MDGA2: variants seen among roughly 807,000 people sequenced by gnomAD.
MDGA2 encodes MAM domain containing glycosylphosphatidylinositol anchor 2.
Under a neutral mutation model 117.8 loss-of-function variants are expected in MDGA2, and 40 were observed. That is an observed-to-expected ratio of 0.34 (90% CI 0.26 to 0.44). The LOEUF (loss-of-function observed/expected upper bound fraction) is 0.44, where lower values mean the gene tolerates loss of function less well. MDGA2 is among the 20% of genes least tolerant of loss of function. MDGA2 has a pLI of 1.00. For missense variants in MDGA2, 1,123 were observed against 1,250.6 expected (o/e 0.90, Z 1.54); for synonymous variants, 452 against 439.0 (o/e 1.03, Z -0.37).
intron 7 of MDGA2, among the ~76,000 whole-genome samples, chr14:47,055,583 A>G (rs1266982740): frequency 1.3e-5 from 2 of 152,182 alleles, no homozygotes; most frequent in African/African-American, 4.8e-5. Context: ...GTTTGTATAG[A>G]CAAGTAACGG....
At chr14:47,576,168 T>C (rs1258822024) in intron 1 of MDGA2, among the ~76,000 whole-genome samples, 1 of 152,202 alleles carries the variant, frequency 6.6e-6, no homozygotes, top group African/African-American at 2.4e-5. Context: ...ATTTCTATTT[T>C]CCCATTTCAT....
chr14:47,133,107 T>TAA (rs555657080), intron 4 of MDGA2, among the ~76,000 whole-genome samples: 4 of 135,774 alleles, frequency 2.9e-5, no homozygotes, highest in South Asian at 4.6e-4. Context: ...TCCTCAGTGG[T>TAA]AAAAAAAAAA....
At chr14:47,478,587 G>C (rs1334251974) in intron 1 of MDGA2, among the ~76,000 whole-genome samples, 1 of 151,940 alleles carries the variant, frequency 6.6e-6, no homozygotes, top group African/African-American at 2.4e-5. Context: ...TGTTGCCCAG[G>C]CTGGTCTCAA....
chr14:47,354,867 A>G (rs915518039), intron 1 of MDGA2, among the ~76,000 whole-genome samples: 4 of 151,954 alleles, frequency 2.6e-5, no homozygotes, highest in African/African-American at 9.7e-5. Flanking sequence ...TTTTTTCCAA[A>G]AAGATGGGTT....
intron 10 of MDGA2, among the ~76,000 whole-genome samples, chr14:46,912,357 C>T (rs1464910282): frequency 6.6e-6 from 1 of 152,094 alleles, no homozygotes; most frequent in African/African-American, 2.4e-5. Flanking sequence ...TCTATTACTA[C>T]TGTCTTCAGA....
intron 8 of MDGA2, among the ~76,000 whole-genome samples, chr14:47,000,121 A>G (rs1048382972): frequency 7.3e-5 from 11 of 151,468 alleles, no homozygotes; most frequent in Non-Finnish European, 1.3e-4. Context: ...CTAAAAAGTT[A>G]CATGAATATT....
At position 46,855,686 on chromosome 14, in the gene MDGA2, G is replaced by A. The variant is rs549557232; in HGVS notation, c.2753-532C>T. Among the ~76,000 whole-genome samples the A allele has an allele frequency of 6.6e-6, 1 of 152,040 alleles. No homozygotes were observed. The highest frequency in any genetic ancestry group is 1.5e-5 in the Non-Finnish European group (1 of 67,984). On this transcript the variant is annotated intron_variant, in intron 14 of 16. Transcript: ENST00000399232. This position sits in a 1 kb window ranked among gnomAD's most constrained non-coding sequence, Gnocchi z 4.1. ...CCCAGAATGCTTTTTTTAAATTTCT[G>A]TTCTCCAGAATGATAAGCTAATAAA...
intron 2 of MDGA2, among the ~76,000 whole-genome samples, chr14:47,290,328 A>G (rs1398533302): frequency 2.0e-5 from 3 of 152,124 alleles, no homozygotes; most frequent in African/African-American, 7.2e-5. Context: ...TGAGATTAAA[A>G]TAAAAAGGAG....
At chr14:47,462,712 A>C (rs1165866860) in intron 1 of MDGA2, among the ~76,000 whole-genome samples, 20 of 152,244 alleles carry the variant, frequency 1.3e-4, no homozygotes, top group Non-Finnish European at 1.0e-4. Context: ...GGAAACACTG[A>C]CGTCATGCGA....
chr14:47,136,925 C>T (rs1395725887), intron 4 of MDGA2, among the ~76,000 whole-genome samples: 2 of 152,156 alleles, frequency 1.3e-5, no homozygotes, highest in Non-Finnish European at 2.9e-5. Context: ...CAGAGCTGAA[C>T]AGTCAATTAT....
At chr14:46,990,930 G>C (rs1253827405) in intron 8 of MDGA2, among the ~76,000 whole-genome samples, 1 of 150,322 alleles carries the variant, frequency 6.7e-6, no homozygotes, top group Non-Finnish European at 1.5e-5. Flanking sequence ...AGAAAATACA[G>C]AAGCAAGAGA....
At chr14:47,058,069 G>T (rs1372730343) in intron 7 of MDGA2, among the ~76,000 whole-genome samples, 1 of 152,042 alleles carries the variant, frequency 6.6e-6, no homozygotes, top group Non-Finnish European at 1.5e-5. Flanking sequence ...TAAGAAAAAT[G>T]ATTTTCTGTC....
intron 6 of MDGA2, among the ~76,000 whole-genome samples, chr14:47,072,178 A>G (rs1890316086): frequency 1.3e-5 from 2 of 151,968 alleles, no homozygotes; most frequent in South Asian, 2.1e-4. Flanking sequence ...CTGATAAGAA[A>G]TAAGAGTCAC....
chr14:47,310,954 T>C (rs1226823394), intron 1 of MDGA2, among the ~76,000 whole-genome samples: 1 of 152,120 alleles, frequency 6.6e-6, no homozygotes, highest in African/African-American at 2.4e-5. Context: ...AAATCAAACT[T>C]GTGAAATGGC....
intron 14 of MDGA2, among the ~76,000 whole-genome samples, chr14:46,861,250 G>T (rs1881495241): frequency 6.6e-6 from 1 of 151,762 alleles, no homozygotes; most frequent in South Asian, 2.1e-4. Context: ...ATGTCCTTCA[G>T]AATTCATGCG....
At chr14:47,218,219 G>A (rs1886171665) in intron 2 of MDGA2, 24 bp from the exon 3 acceptor site, 2 of 1,471,348 alleles carry the variant, frequency 1.4e-6, no homozygotes, top group Admixed American at 2.4e-5. Context: ...AACAAAGATT[G>A]TTACTTTAGG....
intron 7 of MDGA2, chr14:47,058,757 T>G: frequency 1.0e-6 from 1 of 985,392 alleles, no homozygotes; most frequent in Non-Finnish European, 1.2e-6. Flanking sequence ...AGACAGAATA[T>G]GTAATCATCT....
In MDGA2 at chr14:47,071,483, G is replaced by C. The variant is rs915986184; in HGVS notation, c.1196-9905C>G. On this transcript the variant is annotated intron_variant, in intron 6 of 16. Coordinates refer to ENST00000399232, the MANE Select transcript of MDGA2 (RefSeq NM_001113498.3). ...TGTATAATCTTTCCTTTTTGAAAAA[G>C]TATACCCTACCTTTCCTTAGGTGTG... Among the ~76,000 whole-genome samples the C allele has an allele frequency of 2.0e-5, 3 of 151,720 alleles. No homozygotes were observed. In the South Asian group the frequency reaches 6.2e-4, roughly 31 times the overall value.
chr14:47,200,529 C>CTTTTTTTTTTTTTTTTTTTTTTTTTTT, intron 3 of MDGA2: 1 of 586,028 alleles, frequency 1.7e-6, no homozygotes, highest in Non-Finnish European at 2.6e-6. Context: ...TTTTCTTTTT[C>CTTTTTTTTTTTTTTTTTTTTTTTTTTT]TTTTCTTTTT....
Sources: gnomAD v4.1 joint callset for allele counts (sites outside exome capture counted in the v4.1 genomes callset) on GRCh38, gnomAD v4.1.1 for gene constraint, Gnocchi (gnomAD v3.1) non-coding constraint, MANE v1.5 for transcripts, NCBI Gene and HGNC (gene_info 2026-07-23, HGNC 2026-07-21) for gene names.